The following ALOX5 variants were observed in gnomAD, a reference collection of about 807,000 sequenced individuals.
ALOX5 encodes arachidonate 5-lipoxygenase.
Under a neutral mutation model 87.9 loss-of-function variants are expected in ALOX5, and 64 were observed. The ratio of observed to expected loss-of-function variants is 0.73; its 90% CI spans 0.60 to 0.90. ALOX5 has a LOEUF of 0.90. ALOX5 is among the 40% of genes least tolerant of loss of function. ALOX5 has a pLI of 0.00. For synonymous variants in ALOX5, 388 were observed against 355.1 expected, an observed-to-expected ratio of 1.09 and a Z score of -1.04; for missense variants, 822 against 907.5, an observed-to-expected ratio of 0.91 and a Z score of 1.21.
At chr10:45,418,720 C>T (rs895474643) in intron 4 of ALOX5, among the ~76,000 whole-genome samples, 1 of 152,216 alleles carries the variant, frequency 6.6e-6, no homozygotes, top group Middle Eastern at 3.4e-3. Context: ...ACAGGTGTGG[C>T]GAGGCCAGGC....
At chr10:45,415,085 G>GTA (rs1398709859) in intron 4 of ALOX5, among the ~76,000 whole-genome samples, 2 of 152,158 alleles carry the variant, frequency 1.3e-5, no homozygotes, top group African/African-American at 4.8e-5. Context: ...CCATTATCGG[G>GTA]TATATACCCA....
intron 4 of ALOX5, among the ~76,000 whole-genome samples, 198 bp from the exon 5 acceptor site, chr10:45,423,843 G>A (rs575586567): frequency 3.5e-4 from 53 of 152,246 alleles, no homozygotes; most frequent in African/African-American, 1.2e-3. Flanking sequence ...CTGTCTCTTC[G>A]ACAGGTGAGG....
At chr10:45,419,592 G>A (rs1841430143) in intron 4 of ALOX5, among the ~76,000 whole-genome samples, 1 of 152,370 alleles carries the variant, frequency 6.6e-6, no homozygotes, top group Non-Finnish European at 1.5e-5. Flanking sequence ...GGGGATGATC[G>A]GTAGGGAGTG....
chr10:45,424,006 A>G, intron 4 of ALOX5, 35 bp from the exon 5 acceptor site: 1 of 1,522,110 alleles, frequency 6.6e-7, no homozygotes, highest in Non-Finnish European at 9.1e-7. Context: ...AGGCATGGCT[A>G]GTGTGCGCAA....
Position 45,443,131 on chromosome 10 carries a change from A to G in ALOX5, c.1366A>G (p.Lys456Glu), listed in dbSNP as rs200392948. The stretch of plus-strand genomic sequence containing the variant: ...CTCCCTGTGCTTTCCCGAGGCCATC[A>G]AGGCCCGGGGCATGGAGAGCAAAGA... The part of the protein sequence containing the change: ...YASLCFPEAI[K>E]ARGMESKEDI... Residue 456 changes from lysine (K) to glutamate (E), a missense_variant, in exon 10 of 14, where the codon AAG becomes GAG. Coordinates refer to ENST00000374391, the MANE Select transcript of ALOX5 (RefSeq NM_000698.5). The G allele has an allele frequency of 2.5e-6, 4 of 1,613,838 alleles. No individual in the cohort carries two copies. Among genetic ancestry groups the G allele is most frequent in the African/African-American group, 1.3e-5 (1 of 75,054 alleles).
intron 7 of ALOX5, among the ~76,000 whole-genome samples, chr10:45,429,385 A>G (rs1203545900): frequency 6.6e-6 from 1 of 152,154 alleles, no homozygotes; most frequent in African/African-American, 2.4e-5. Flanking sequence ...ACCGTGGGAG[A>G]CTGGCAGATG....
intron 3 of ALOX5, among the ~76,000 whole-genome samples, chr10:45,398,326 C>T (rs1438524304): frequency 6.6e-6 from 1 of 152,138 alleles, no homozygotes; most frequent in Admixed American, 6.5e-5. Flanking sequence ...TTAGCTCACA[C>T]CATATACATA....
At chr10:45,382,349 GTTTT>G in intron 1 of ALOX5, 130 bp from the exon 2 acceptor site, 1 of 901,154 alleles carries the variant, frequency 1.1e-6, no homozygotes, top group Admixed American at 2.3e-5. Context: ...TGCACCTGCT[GTTTT>G]TTTAAGTGCT....
rs1842289590 is a variant in ALOX5, at chr10:45,443,056, G to A, written c.1291G>A (p.Gly431Ser). ...LFDKANATGG[G>S]GHVQMVQRAM... ...ACTCCAGGCCAACGCCACAGGGGGC[G>A]GTGGGCACGTGCAGATGGTGCAGAG... Residue 431 changes from glycine to serine, a missense_variant, in exon 10 of 14, where the codon GGT becomes AGT. Physicochemically the swap from Gly to Ser is moderately conservative, Grantham distance 56 (BLOSUM62 0). Coordinates refer to ENST00000374391, the MANE Select transcript of ALOX5 (RefSeq NM_000698.5). 3.1e-6 allele frequency: 5 copies of A among 1,613,050 alleles called. No homozygotes were observed. Among genetic ancestry groups the A allele is most frequent in the African/African-American group, 1.3e-5 (1 of 74,918 alleles).
At position 45,440,460 on chromosome 10, in the gene ALOX5, A is replaced by G. The variant is rs779501045; in HGVS notation, c.1012A>G (p.Ile338Val). Residue 338 changes from isoleucine to valine, a missense_variant, in exon 8 of 14, where the codon ATT becomes GTT. Coordinates refer to ENST00000374391, the MANE Select transcript of ALOX5 (RefSeq NM_000698.5). ...CCAAATCCCGGGAGATGAGAACCCT[A>G]TTTTCCTCCCTTCGGATGCAAAATA... ...LNQIPGDENP[I>V]FLPSDAKYDW... is the part of the protein sequence containing the mutation. The G allele has an allele frequency of 1.2e-6, 2 of 1,614,116 alleles. No individual in the cohort carries two copies. The highest frequency in any genetic ancestry group is 8.5e-7 in the Non-Finnish European group (1 of 1,180,020).
At chr10:45,428,412 C>T (rs1002519903) in intron 6 of ALOX5, 56 of 602,042 alleles carry the variant, frequency 9.3e-5, no homozygotes, top group Non-Finnish European at 1.4e-4. Context: ...GCCATTCCTT[C>T]ATCTTACCCC....
chr10:45,435,407 A>G (rs1174869601), intron 7 of ALOX5, among the ~76,000 whole-genome samples: 3 of 151,570 alleles, frequency 2.0e-5, no homozygotes, highest in African/African-American at 7.3e-5. Context: ...CAGTTTTTCA[A>G]CCCTTTCCTC....
intron 7 of ALOX5, among the ~76,000 whole-genome samples, chr10:45,429,066 C>A (rs1459172775): frequency 6.6e-6 from 1 of 152,158 alleles, no homozygotes; most frequent in Non-Finnish European, 1.5e-5. Context: ...AGGGGCCAGG[C>A]AGGTGAAGCT....
At chr10:45,408,565 T>C (rs1016985338) in intron 3 of ALOX5, among the ~76,000 whole-genome samples, 4 of 152,240 alleles carry the variant, frequency 2.6e-5, no homozygotes, top group Admixed American at 6.5e-5. Flanking sequence ...ATGTTTCTTA[T>C]CAATCTTAAA....
At chr10:45,435,775 C>A (rs1302767245) in intron 7 of ALOX5, among the ~76,000 whole-genome samples, 1 of 152,184 alleles carries the variant, frequency 6.6e-6, no homozygotes, top group Non-Finnish European at 1.5e-5. Context: ...AAAACAATTT[C>A]TTTTCCTTTG....
chr10:45,439,101 G>A (rs965684191), intron 7 of ALOX5, among the ~76,000 whole-genome samples: 1 of 152,180 alleles, frequency 6.6e-6, no homozygotes, highest in African/African-American at 2.4e-5. Flanking sequence ...TTGGTTTCAT[G>A]TTGAAGTGAT....
intron 4 of ALOX5, among the ~76,000 whole-genome samples, chr10:45,414,302 A>C (rs1841185125): frequency 6.6e-6 from 1 of 152,218 alleles, no homozygotes; most frequent in Non-Finnish European, 1.5e-5. Context: ...CAACCATCTG[A>C]TCTTTGACAA....
chr10:45,378,470 G>A (rs1276297626), intron 1 of ALOX5, among the ~76,000 whole-genome samples: 1 of 152,176 alleles, frequency 6.6e-6, no homozygotes. Context: ...GCCTGTTGGG[G>A]GGTGTCCACT....
At position 45,444,159 on chromosome 10, in the gene ALOX5, G is replaced by A; in HGVS notation, c.1718G>A (p.Arg573Gln). ...SWIPNAPPTMRAPPPTAKGVV... is the reference protein window; with the variant it reads ...SWIPNAPPTMQAPPPTAKGVV... ...ATCCCCAATGCGCCCCCAACCATGC[G>A]AGCCCCGCCACCGACTGCCAAGGGC... The change falls in exon 13 of 14, where the codon CGA becomes CAA. Residue 573 changes from arginine (R) to glutamine (Q), a missense_variant. By Grantham distance (43) the Arg-to-Gln change is conservative. Coordinates refer to ENST00000374391, the MANE Select transcript of ALOX5 (RefSeq NM_000698.5). 3 of 1,555,234 alleles carry A rather than the reference G, an allele frequency of 1.9e-6. No homozygotes were observed. The highest frequency in any genetic ancestry group is 2.6e-6 in the Non-Finnish European group (3 of 1,149,524).
Sources: gnomAD v4.1 joint callset for allele counts (sites outside exome capture counted in the v4.1 genomes callset) on GRCh38, gnomAD v4.1.1 for gene constraint, MANE v1.5 for transcripts, NCBI Gene and HGNC (gene_info 2026-07-23, HGNC 2026-07-21) for gene names.